INTS1: variants seen among roughly 807,000 people sequenced by gnomAD.
INTS1 encodes integrator complex subunit 1.
In INTS1, 137 loss-of-function variants were observed where a neutral mutation model predicts 241.6. The ratio of observed to expected loss-of-function variants is 0.57; its 90% CI spans 0.49 to 0.65. The LOEUF (loss-of-function observed/expected upper bound fraction) is 0.65, where lower values mean the gene tolerates loss of function less well. Ranked by LOEUF, INTS1 falls within the 30% of genes least tolerant of loss-of-function variation. INTS1 has a pLI of 0.00. For synonymous variants in INTS1, 1,692 were observed against 1,337.8 expected (o/e 1.26, Z -5.78); for missense variants, 3,073 against 3,032.2 (o/e 1.01, Z -0.32).
rs747903875 is a variant in INTS1, at chr7:1,502,962, T to C, written c.288A>G (p.Ala96=). ...LSALGRLAEA[A]VAEKRAISPS... ...GAGAAATGGCTCGTTTTTCTGCCAC[T>C]GCAGCCTCAGCCAGGCGCCCCAGGG... The change falls in exon 3 of 48, where the codon GCA becomes GCG. Residue 96 remains alanine (A), a synonymous_variant. Coordinates refer to ENST00000404767, the MANE Select transcript of INTS1 (RefSeq NM_001080453.3). 48 of 1,613,598 alleles carry C rather than the reference T, an allele frequency of 3.0e-5. No homozygotes were observed. The highest frequency in any genetic ancestry group is 3.9e-5 in the Non-Finnish European group (46 of 1,179,862).
chr7:1,480,341 G>A lies in INTS1; in HGVS notation c.4050C>T (p.Asp1350=), dbSNP rs764294638. 2.6e-5 allele frequency: 42 copies of A among 1,610,080 alleles called. No individual in the cohort carries two copies. The highest frequency in any genetic ancestry group is 4.0e-4 in the Middle Eastern group (2 of 4,954). Reference sequence around the variant, plus strand: ...CCTGGAGGAACATGCCAGCCAGGTCGTCCTCAGGGCCCAGCACCCGGAGCT... The same window carrying A: ...CCTGGAGGAACATGCCAGCCAGGTCATCCTCAGGGCCCAGCACCCGGAGCT... The part of the protein sequence containing the change: ...GTQLRVLGPE[D]DLAGMFLQIF... Residue 1350 remains aspartate (D), a synonymous_variant, in exon 30 of 48, where the codon GAC becomes GAT. Transcript: ENST00000404767.
In INTS1 at chr7:1,476,243, C is replaced by T. The variant is rs1204383589; in HGVS notation, c.5364G>A (p.Gln1788=). 4 of 1,557,542 alleles carry T rather than the reference C, an allele frequency of 2.6e-6. No individual in the cohort carries two copies. In the South Asian group the frequency reaches 4.7e-5, roughly 18 times the overall value. ...GGCCTGAGCACCTGTCTCCCCACTG[C>T]TGGATGCAGCCTGACAGGTGCTCCG... ...KVTEHLSGCI[Q]QWGDSVLGRR... is the part of the protein sequence containing the mutation. Residue 1788 remains glutamine, a synonymous_variant, in exon 38 of 48, where the codon CAG becomes CAA. Coordinates refer to ENST00000404767, the MANE Select transcript of INTS1 (RefSeq NM_001080453.3).
chr7:1,490,051 G>A (rs140213113), intron 16 of INTS1, among the ~76,000 whole-genome samples: 10 of 149,980 alleles, frequency 6.7e-5, no homozygotes, highest in African/African-American at 1.5e-4. Flanking sequence ...ATCAAAGCAC[G>A]GGCCCCTCGG....
Position 1,479,620 on chromosome 7 carries a change from A to C in INTS1, c.4139T>G (p.Leu1380Arg), listed in dbSNP as rs1395400285. 2.0e-6 allele frequency: 3 copies of C among 1,524,608 alleles called. No homozygotes were observed. Among genetic ancestry groups the C allele is most frequent in the Non-Finnish European group, 2.6e-6 (3 of 1,132,826 alleles). The allele number at this position is 1,524,608 out of a possible 1,614,324, so 94.4% of individuals were successfully genotyped here. Reference protein sequence around the residue: ...SSSPRPVALALQQALGQELAR... With the variant: ...SSSPRPVALARQQALGQELAR... Reference sequence around the variant, plus strand: ...CAGCTCCTGGCCCAGGGCCTGCTGCAGGGCGAGGGCCACGGGGCGGGGACT... The same window carrying C: ...CAGCTCCTGGCCCAGGGCCTGCTGCCGGGCGAGGGCCACGGGGCGGGGACT... Residue 1380 changes from leucine to arginine, a missense_variant, in exon 31 of 48, where the codon CTG becomes CGG. Coordinates refer to ENST00000404767, the MANE Select transcript of INTS1 (RefSeq NM_001080453.3).
At chr7:1,502,552 G>C (rs781065251) in intron 3 of INTS1, among the ~76,000 whole-genome samples, 5 of 152,110 alleles carry the variant, frequency 3.3e-5, no homozygotes, top group Non-Finnish European at 5.9e-5. Context: ...CACCAGGATG[G>C]GCAACCTTGA....
intron 18 of INTS1, among the ~76,000 whole-genome samples, chr7:1,488,433 C>A (rs1051058800): frequency 6.6e-6 from 1 of 152,140 alleles, no homozygotes; most frequent in African/African-American, 2.4e-5. Context: ...AGCTCTGTCC[C>A]CAAGGCCCCA....
chr7:1,472,393 G>A lies in INTS1; in HGVS notation c.6071-7C>T. ...GAGCCGGCTGAGCTCTCCTCTGGAA[G>A]ACAGTGGCAGTGCTGCAGGAGGGCG... On this transcript the variant is annotated splice_polypyrimidine_tract_variant and splice_region_variant and intron_variant, in intron 43 of 47. Transcript: ENST00000404767. 1 of 1,529,206 alleles carries A rather than the reference G, an allele frequency of 6.5e-7. No homozygotes were observed. 94.7% of individuals were successfully genotyped at this position (1,529,206 alleles called of 1,614,324 possible). A position where few individuals can be genotyped will look rare whatever the true frequency, so the allele number is the denominator to read the frequency against.
At position 1,498,765 on chromosome 7, in the gene INTS1, G is replaced by GGT; in HGVS notation, c.1223_1224dup (p.Leu409ThrfsTer2). ...TTGGGCTTGAGGCGGATCTTGATCA[G>GGT]GTGTGAGATGACGTCCATGTCTTCG... On this transcript the variant is annotated frameshift_variant, in exon 9 of 48. Transcript: ENST00000404767. LOFTEE classifies it high-confidence loss of function. The GGT allele has an allele frequency of 6.3e-7, 1 of 1,583,710 alleles. No homozygotes were observed. The highest frequency in any genetic ancestry group is 8.6e-7 in the Non-Finnish European group (1 of 1,165,200).
At chr7:1,487,287 A>G in intron 20 of INTS1, 33 bp downstream of exon 20, 1 of 1,564,526 alleles carries the variant, frequency 6.4e-7, no homozygotes, top group African/African-American at 1.4e-5. Flanking sequence ...TCCCAAGACC[A>G]CCATCTCTAC....
chr7:1,479,146 A>T (rs1464848076), intron 31 of INTS1, among the ~76,000 whole-genome samples: 1 of 152,268 alleles, frequency 6.6e-6, no homozygotes, highest in Admixed American at 6.5e-5. Flanking sequence ...ACAGACACCA[A>T]GTAAAACACA....
intron 2 of INTS1, 45 bp downstream of exon 2, chr7:1,503,858 G>GACCCCCAAAC: frequency 2.8e-6 from 4 of 1,431,844 alleles, no homozygotes; most frequent in South Asian, 1.2e-5. Context: ...GACCCCCAAA[G>GACCCCCAAAC]ACCCCCAAAG....
intron 26 of INTS1, chr7:1,483,014 C>T (rs1224564048): frequency 5.7e-6 from 2 of 350,192 alleles, no homozygotes; most frequent in Non-Finnish European, 1.1e-5. Context: ...GGACCAGGTC[C>T]CATCCAGCTC....
Position 1,470,286 on chromosome 7 carries a change from G to A in INTS1, c.*291C>T, listed in dbSNP as rs935662939. 2.5e-6 allele frequency: 1 copy of A among 394,680 alleles called. No individual in the cohort carries two copies. Among genetic ancestry groups the A allele is most frequent in the Non-Finnish European group, 4.5e-6 (1 of 219,984 alleles). 24.4% of individuals were successfully genotyped at this position (394,680 alleles called of 1,614,324 possible). Reference sequence around the variant, plus strand: ...CACCAGAGAGCACACAGACAGTTCAGGTCGTTTCATTCAAAACCAGCCCAG... The same window carrying A: ...CACCAGAGAGCACACAGACAGTTCAAGTCGTTTCATTCAAAACCAGCCCAG... On this transcript the variant is annotated 3_prime_UTR_variant, in exon 48 of 48. Transcript: ENST00000404767.
At position 1,474,833 on chromosome 7, in the gene INTS1, G is replaced by A. The variant is rs372112448; in HGVS notation, c.5508C>T (p.Asp1836=). Reference sequence around the variant, plus strand: ...GCGTGATGAAGCGGTGGATGAGTCCGTCCAGCTGCAGGGAGGGGCGCTCTG... The same window carrying A: ...GCGTGATGAAGCGGTGGATGAGTCCATCCAGCTGCAGGGAGGGGCGCTCTG... The part of the protein sequence containing the change: ...GAASSSVCKL[D]GLIHRFITLL... Residue 1836 remains aspartate (D), a synonymous_variant, in exon 40 of 48, where the codon GAC becomes GAT. Coordinates refer to ENST00000404767, the MANE Select transcript of INTS1 (RefSeq NM_001080453.3). 53 of 1,587,136 alleles carry A rather than the reference G, an allele frequency of 3.3e-5. No individual in the cohort carries two copies. The African/African-American group carries it at 4.7e-4, about 14-fold the overall frequency.
Position 1,484,096 on chromosome 7 carries a change from C to A in INTS1, c.3336G>T (p.Ala1112=), listed in dbSNP as rs1265654552. ...HLFSKLSPSA[A]SDAVLSALLS... is the part of the protein sequence containing the mutation. ...ACAGAGCGCTCAGCACGGCGTCCGA[C>A]GCGGCACTCGGGGAGAGCTTCGAGA... Residue 1112 remains alanine (A), a synonymous_variant, in exon 25 of 48, where the codon GCG becomes GCT. Coordinates refer to ENST00000404767, the MANE Select transcript of INTS1 (RefSeq NM_001080453.3). 6.2e-7 allele frequency: 1 copy of A among 1,612,516 alleles called. No individual in the cohort carries two copies. Among genetic ancestry groups the A allele is most frequent in the Non-Finnish European group, 8.5e-7 (1 of 1,179,764 alleles).
intron 29 of INTS1, 57 bp downstream of exon 29, chr7:1,480,778 T>C (rs192188879): frequency 4.0e-5 from 55 of 1,366,376 alleles, no homozygotes; most frequent in Non-Finnish European, 5.2e-5. Context: ...GGTCTCTGTG[T>C]TGGCCCCACC....
chr7:1,488,031 C>T lies in INTS1; in HGVS notation c.2319-74G>A, dbSNP rs542741369. ...ACTCCCAGTGGGCCACGCTCAGGGT[C>T]AAGGAGGGTAAAACCCCTACGGCTG... is the stretch of plus-strand genomic sequence containing the variant. On this transcript the variant is annotated intron_variant, in intron 18 of 47. Transcript: ENST00000404767. The T allele has an allele frequency of 7.9e-6, 12 of 1,510,254 alleles. No individual in the cohort carries two copies. In the African/African-American group the frequency reaches 1.5e-4, roughly 19 times the overall value. 93.6% of individuals were successfully genotyped at this position (1,510,254 alleles called of 1,614,324 possible).
intron 14 of INTS1, 95 bp from the exon 15 acceptor site, chr7:1,494,006 G>A (rs1442291157): frequency 1.7e-5 from 24 of 1,420,622 alleles, no homozygotes; most frequent in East Asian, 7.7e-5. Context: ...CAGAGCCCAC[G>A]GGCTGGTGGC....
intron 30 of INTS1, among the ~76,000 whole-genome samples, chr7:1,480,005 C>G (rs977277622): frequency 2.0e-5 from 3 of 152,272 alleles, no homozygotes; most frequent in Non-Finnish European, 4.4e-5. Flanking sequence ...CAGGCGAGAC[C>G]TGCAACCTCA....
Sources: gnomAD v4.1 joint callset for allele counts (sites outside exome capture counted in the v4.1 genomes callset) on GRCh38, gnomAD v4.1.1 for gene constraint, MANE v1.5 for transcripts, NCBI Gene and HGNC (gene_info 2026-07-23, HGNC 2026-07-21) for gene names.